The following CHST11 variants were observed in gnomAD, a reference collection of about 807,000 sequenced individuals.
The protein encoded by CHST11 is carbohydrate sulfotransferase 11.
CHST11 carries 9 observed loss-of-function variants against 30.4 expected under a neutral mutation model. That is an observed-to-expected ratio of 0.30 (90% CI 0.18 to 0.52). The LOEUF (loss-of-function observed/expected upper bound fraction) is 0.52, where lower values mean the gene tolerates loss of function less well. Among genes scored for constraint, CHST11 ranks in the 20% least tolerant of loss-of-function variants. CHST11 has a pLI of 0.97. For synonymous variants in CHST11, 152 were observed against 187.8 expected (o/e 0.81, Z 1.56); for missense variants, 348 against 460.6 (o/e 0.76, Z 2.24).
Position 104,750,720 on chromosome 12 carries a change from A to C in CHST11, c.205-6229A>C, listed in dbSNP as rs562263593. On this transcript the variant is annotated intron_variant, in intron 2 of 2. Coordinates refer to ENST00000303694, the MANE Select transcript of CHST11 (RefSeq NM_018413.6). ...CAGCCTCCCTAAATGTTGGGATTAC[A>C]GATGTGAGCCACCGTGCCTGGCTTG... Among the ~76,000 whole-genome samples the C allele has an allele frequency of 3.9e-5, 6 of 152,094 alleles. No homozygotes were observed. The South Asian group carries it at 1.2e-3, about 32-fold the overall frequency.
chr12:104,706,248 G>T (rs1260509345), intron 2 of CHST11, among the ~76,000 whole-genome samples: 1 of 151,908 alleles, frequency 6.6e-6, no homozygotes, highest in Non-Finnish European at 1.5e-5. Context: ...GCCAGGTGTG[G>T]TAGCGCATGC....
At chr12:104,464,741 G>C (rs898473109) in intron 1 of CHST11, among the ~76,000 whole-genome samples, 6 of 152,292 alleles carry the variant, frequency 3.9e-5, no homozygotes, top group African/African-American at 1.4e-4. Context: ...GACTGAGCTT[G>C]TAGTGGGAAA....
At chr12:104,736,806 A>C (rs1424232091) in intron 2 of CHST11, among the ~76,000 whole-genome samples, 1 of 152,172 alleles carries the variant, frequency 6.6e-6, no homozygotes, top group African/African-American at 2.4e-5. Flanking sequence ...TCAGTCCCCC[A>C]CACAGCGCTG....
At chr12:104,500,727 A>G (rs1394398274) in intron 1 of CHST11, among the ~76,000 whole-genome samples, 1 of 152,220 alleles carries the variant, frequency 6.6e-6, no homozygotes, top group Non-Finnish European at 1.5e-5. Flanking sequence ...TTATAGTTGG[A>G]TGCCAAAGTG....
chr12:104,578,336 C>G (rs115620945), intron 1 of CHST11, among the ~76,000 whole-genome samples: 16 of 152,254 alleles, frequency 1.1e-4, no homozygotes, highest in African/African-American at 3.4e-4. Flanking sequence ...ATACACCTAA[C>G]GATAAGTTTT....
intron 1 of CHST11, among the ~76,000 whole-genome samples, chr12:104,512,354 A>G (rs1482958979): frequency 1.3e-5 from 2 of 152,178 alleles, no homozygotes; most frequent in African/African-American, 2.4e-5. Context: ...CTCCTGTTTT[A>G]TAGATTCAGT....
At chr12:104,479,695 G>T (rs930463687) in intron 1 of CHST11, among the ~76,000 whole-genome samples, 6 of 152,184 alleles carry the variant, frequency 3.9e-5, no homozygotes, top group Non-Finnish European at 2.9e-5. Flanking sequence ...TAGTATGCTA[G>T]GAAGTTTTTT....
chr12:104,717,696 G>C (rs1455043015), intron 2 of CHST11, among the ~76,000 whole-genome samples: 4 of 151,982 alleles, frequency 2.6e-5, no homozygotes, highest in Non-Finnish European at 4.4e-5. Context: ...ACTTGAACTT[G>C]GGAGGCGGAG....
intron 1 of CHST11, among the ~76,000 whole-genome samples, chr12:104,570,751 C>T (rs998032392): frequency 6.7e-6 from 1 of 148,386 alleles, no homozygotes; most frequent in Non-Finnish European, 1.5e-5. Flanking sequence ...AGTGCAGTGG[C>T]GTGATCTCTG....
intron 2 of CHST11, among the ~76,000 whole-genome samples, chr12:104,655,787 C>G (rs1472604239): frequency 6.6e-6 from 1 of 152,174 alleles, no homozygotes; most frequent in African/African-American, 2.4e-5. Context: ...CCAGGGTGGG[C>G]CCATTCAGGT....
chr12:104,711,267 T>C (rs1391814040), intron 2 of CHST11, among the ~76,000 whole-genome samples: 3 of 152,182 alleles, frequency 2.0e-5, no homozygotes, highest in Non-Finnish European at 4.4e-5. Context: ...TTTTCACTGG[T>C]TTATAGATGC....
chr12:104,490,113 C>A (rs1328048452), intron 1 of CHST11, among the ~76,000 whole-genome samples: 2 of 152,226 alleles, frequency 1.3e-5, no homozygotes, highest in Admixed American at 6.5e-5. Flanking sequence ...GATTAGGCAA[C>A]AGAATCCTTT....
At chr12:104,671,622 G>A (rs919805017) in intron 2 of CHST11, among the ~76,000 whole-genome samples, 1 of 152,186 alleles carries the variant, frequency 6.6e-6, no homozygotes, top group Non-Finnish European at 1.5e-5. Flanking sequence ...TACAGTGTGA[G>A]CAAAGCCACT....
At chr12:104,646,431 G>A (rs935513256) in intron 2 of CHST11, among the ~76,000 whole-genome samples, 6 of 152,076 alleles carry the variant, frequency 3.9e-5, no homozygotes, top group Non-Finnish European at 8.8e-5. Flanking sequence ...TCATCGTAGT[G>A]GTGATTAAAC....
At chr12:104,746,199 T>G (rs2040387921) in intron 2 of CHST11, among the ~76,000 whole-genome samples, 1 of 152,248 alleles carries the variant, frequency 6.6e-6, no homozygotes, top group African/African-American at 2.4e-5. Flanking sequence ...GGACGCTGAC[T>G]GGGTTCATTC....
At chr12:104,677,911 A>C (rs1482507281) in intron 2 of CHST11, among the ~76,000 whole-genome samples, 1 of 152,184 alleles carries the variant, frequency 6.6e-6, no homozygotes, top group Non-Finnish European at 1.5e-5. Context: ...GTTCCACCAA[A>C]GGACTTGCAT....
chr12:104,500,671 A>G (rs576844415), intron 1 of CHST11, among the ~76,000 whole-genome samples: 5 of 152,180 alleles, frequency 3.3e-5, no homozygotes, highest in Admixed American at 6.5e-5. Context: ...TTTTCCCCAC[A>G]AAGTCTATCT....
intron 1 of CHST11, among the ~76,000 whole-genome samples, chr12:104,518,572 C>T (rs778340746): frequency 9.2e-5 from 14 of 152,102 alleles, no homozygotes; most frequent in Non-Finnish European, 1.3e-4. Context: ...TAATACACCC[C>T]GGACTTTCCC....
At chr12:104,519,328 G>T (rs576644599) in intron 1 of CHST11, among the ~76,000 whole-genome samples, 1 of 152,242 alleles carries the variant, frequency 6.6e-6, no homozygotes, top group Non-Finnish European at 1.5e-5. Flanking sequence ...TTAATAGTTT[G>T]CTAGTTTAAT....
Sources: allele counts gnomAD v4.1 joint callset (sites outside exome capture counted in the v4.1 genomes callset), GRCh38; gene constraint gnomAD v4.1.1; transcripts MANE v1.5; gene names NCBI Gene and HGNC (gene_info 2026-07-23, HGNC 2026-07-21).